The following DNAJC1 variants were observed in gnomAD, a reference collection of about 807,000 sequenced individuals.
DNAJC1 encodes the protein DnaJ heat shock protein family (Hsp40) member C1.
DNAJC1 carries 58 observed loss-of-function variants against 76.6 expected under a neutral mutation model. That is an observed-to-expected ratio of 0.76 (90% confidence interval 0.61 to 0.94). The LOEUF is 0.94. Ranked by LOEUF, DNAJC1 falls within the 40% of genes least tolerant of loss-of-function variation. DNAJC1 has a pLI of 0.00. For synonymous variants in DNAJC1, 258 were observed against 267.9 expected (o/e 0.96, Z 0.36); for missense variants, 689 against 677.3 (o/e 1.02, Z -0.19).
intron 8 of DNAJC1, among the ~76,000 whole-genome samples, chr10:21,838,872 TAAAAG>T (rs1465889519): frequency 1.3e-5 from 2 of 152,064 alleles, no homozygotes; most frequent in African/African-American, 4.8e-5. Flanking sequence ...TCAGCAAATG[TAAAAG>T]AAAAGAAATT....
chr10:21,874,073 T>A (rs1367530463), intron 8 of DNAJC1, among the ~76,000 whole-genome samples: 1 of 152,174 alleles, frequency 6.6e-6, no homozygotes, highest in Non-Finnish European at 1.5e-5. Context: ...ATTAGCTGAT[T>A]AACAAATAAA....
intron 8 of DNAJC1, among the ~76,000 whole-genome samples, chr10:21,813,163 TCTCTCTCTCTCC>T (rs1378666558): frequency 2.7e-3 from 227 of 85,120 alleles, no homozygotes; most frequent in Non-Finnish European, 3.2e-3. Context: ...TCTCTCTCTC[TCTCTCTCTCTCC>T]CTCTCTCTCT....
At chr10:21,853,422 G>A (rs894717761) in intron 8 of DNAJC1, among the ~76,000 whole-genome samples, 1 of 152,088 alleles carries the variant, frequency 6.6e-6, no homozygotes, top group Non-Finnish European at 1.5e-5. Flanking sequence ...CCCTGGGAGA[G>A]AGTAAACTGA....
intron 9 of DNAJC1, among the ~76,000 whole-genome samples, chr10:21,801,963 G>C (rs142168249): frequency 6.9e-4 from 105 of 152,190 alleles, no homozygotes; most frequent in Middle Eastern, 3.4e-3. Flanking sequence ...CACAAAGAAG[G>C]AAACAACAGA....
chr10:21,833,120 G>A (rs1835388032), intron 8 of DNAJC1, among the ~76,000 whole-genome samples: 1 of 152,160 alleles, frequency 6.6e-6, no homozygotes, highest in African/African-American at 2.4e-5. Context: ...CTCAAAATAT[G>A]CTTATTTAGC....
intron 1 of DNAJC1, among the ~76,000 whole-genome samples, chr10:21,977,349 G>A (rs569170357): frequency 1.3e-5 from 2 of 152,114 alleles, no homozygotes; most frequent in South Asian, 4.2e-4. Context: ...AATCTACAAA[G>A]CTCAGTTTCT....
chr10:21,762,000 T>C (rs1834246704), intron 10 of DNAJC1, among the ~76,000 whole-genome samples: 1 of 152,216 alleles, frequency 6.6e-6, no homozygotes, highest in Non-Finnish European at 1.5e-5. Flanking sequence ...CTCTGCCTCC[T>C]GGGTTCAAGT....
chr10:21,868,556 A>G (rs1836047734), intron 8 of DNAJC1, among the ~76,000 whole-genome samples: 1 of 152,136 alleles, frequency 6.6e-6, no homozygotes, highest in African/African-American at 2.4e-5. Context: ...TGCTAACTAT[A>G]AAAGTTGATC....
intron 6 of DNAJC1, among the ~76,000 whole-genome samples, chr10:21,917,720 T>C (rs928935836): frequency 2.0e-5 from 3 of 152,032 alleles, no homozygotes. Context: ...ACTGTAATTT[T>C]TCTCTATTAA....
rs1193962237 is a variant in DNAJC1 at position 21,808,241 on chromosome 10, GGTA to G, written c.979-2145_979-2143del. ...GTCTAAAATATAAATCATTGTTTCAGGTAGTAAACTAAGTCTTTAAAATAATTT... is the reference window on the plus strand; with the variant it reads ...GTCTAAAATATAAATCATTGTTTCAGGTAAACTAAGTCTTTAAAATAATTT... On this transcript the variant is annotated intron_variant, in intron 8 of 11. Coordinates refer to ENST00000376980, the MANE Select transcript of DNAJC1 (RefSeq NM_022365.4). Among the ~76,000 whole-genome samples, 15 of 152,126 alleles carry G rather than the reference GGTA, an allele frequency of 9.9e-5. No homozygotes were observed. The South Asian group carries it at 2.9e-3, about 29-fold the overall frequency.
chr10:21,867,738 A>G (rs1836027874), intron 8 of DNAJC1, among the ~76,000 whole-genome samples: 1 of 152,052 alleles, frequency 6.6e-6, no homozygotes, highest in African/African-American at 2.4e-5. Flanking sequence ...CACACCTACC[A>G]GTATTATGAC....
At chr10:21,906,656 G>C (rs1836750789) in intron 6 of DNAJC1, among the ~76,000 whole-genome samples, 1 of 152,058 alleles carries the variant, frequency 6.6e-6, no homozygotes, top group Non-Finnish European at 1.5e-5. Flanking sequence ...GGACAGATTT[G>C]GAGCCAGACT....
intron 1 of DNAJC1, among the ~76,000 whole-genome samples, chr10:21,932,619 G>A (rs575675645): frequency 2.0e-5 from 3 of 152,280 alleles, no homozygotes; most frequent in East Asian, 1.9e-4. Flanking sequence ...GGTTCCTGGT[G>A]CCAGAGAGAT....
chr10:21,949,706 C>G (rs1269627713), intron 1 of DNAJC1, among the ~76,000 whole-genome samples: 1 of 151,820 alleles, frequency 6.6e-6, no homozygotes, highest in African/African-American at 2.4e-5. Flanking sequence ...TGTGAGCCAC[C>G]GCACCCGGCC....
chr10:21,843,534 C>T (rs1590010907), intron 8 of DNAJC1, among the ~76,000 whole-genome samples: 1 of 151,562 alleles, frequency 6.6e-6, no homozygotes, highest in African/African-American at 2.4e-5. Context: ...GCTGGGAGTA[C>T]AGGCACGTGC....
intron 8 of DNAJC1, among the ~76,000 whole-genome samples, chr10:21,864,571 G>A (rs1306154693): frequency 4.6e-5 from 7 of 151,076 alleles, no homozygotes; most frequent in African/African-American, 1.2e-4. Flanking sequence ...GCAGTGAACC[G>A]ATATCACGCC....
At chr10:21,894,146 CTA>C (rs1337880281) in intron 7 of DNAJC1, among the ~76,000 whole-genome samples, 1 of 152,178 alleles carries the variant, frequency 6.6e-6, no homozygotes, top group African/African-American at 2.4e-5. Flanking sequence ...AGCTCTATAA[CTA>C]TAAATCCAAT....
At chr10:21,871,334 A>AG (rs914512057) in intron 8 of DNAJC1, among the ~76,000 whole-genome samples, 2 of 149,354 alleles carry the variant, frequency 1.3e-5, no homozygotes, top group African/African-American at 5.1e-5. Flanking sequence ...GCTATGTAGA[A>AG]GCGGGGAAAA....
chr10:21,830,235 A>G (rs938621902), intron 8 of DNAJC1, among the ~76,000 whole-genome samples: 3 of 151,846 alleles, frequency 2.0e-5, no homozygotes, highest in African/African-American at 7.3e-5. Context: ...TCTACATTCA[A>G]TTTTCTTCTT....
Sources: gnomAD v4.1 joint callset for allele counts (sites outside exome capture counted in the v4.1 genomes callset) on GRCh38, gnomAD v4.1.1 for gene constraint, MANE v1.5 for transcripts, NCBI Gene and HGNC (gene_info 2026-07-23, HGNC 2026-07-21) for gene names.